The following AHCYL2 variants were observed in gnomAD, a reference collection of about 807,000 sequenced individuals.
AHCYL2 encodes the protein adenosylhomocysteinase like 2.
AHCYL2 carries 28 observed loss-of-function variants against 81.4 expected under a neutral mutation model. That is an observed-to-expected ratio of 0.34 (90% confidence interval 0.25 to 0.47). The LOEUF is 0.47. AHCYL2 is among the 20% of genes least tolerant of loss of function. The pLI is 1.00. For synonymous variants in AHCYL2, 272 were observed against 290.2 expected, an observed-to-expected ratio of 0.94 and a Z score of 0.64; for missense variants, 551 against 785.1, an observed-to-expected ratio of 0.70 and a Z score of 3.56.
chr7:129,317,404 A>G (rs1291261165), intron 1 of AHCYL2, among the ~76,000 whole-genome samples: 1 of 152,180 alleles, frequency 6.6e-6, no homozygotes, highest in Non-Finnish European at 1.5e-5. Flanking sequence ...CAAACAATCA[A>G]TTGGGAGGGA....
chr7:129,287,974 A>T (rs1468865562), intron 1 of AHCYL2, among the ~76,000 whole-genome samples: 1 of 152,238 alleles, frequency 6.6e-6, no homozygotes, highest in Non-Finnish European at 1.5e-5. Flanking sequence ...ACCTGTAAAC[A>T]TATCACTATA....
At chr7:129,231,262 C>T (rs1186614236) in intron 1 of AHCYL2, among the ~76,000 whole-genome samples, 1 of 151,974 alleles carries the variant, frequency 6.6e-6, no homozygotes, top group African/African-American at 2.4e-5. Flanking sequence ...AAAAAAGCTG[C>T]TTTAGGAGCT....
intron 1 of AHCYL2, among the ~76,000 whole-genome samples, chr7:129,365,006 C>T (rs11766298): frequency 0.034 from 5,174 of 152,212 alleles, 134 homozygotes; most frequent in Admixed American, 0.062. Context: ...ATTAAGAATA[C>T]GTACAGCATA....
intron 1 of AHCYL2, among the ~76,000 whole-genome samples, chr7:129,235,221 A>G (rs1035461591): frequency 6.0e-5 from 9 of 149,754 alleles, no homozygotes; most frequent in Admixed American, 3.3e-4. Flanking sequence ...ACTAGCTTCC[A>G]TCTTATTTCT....
chr7:129,270,660 C>CT (rs1312338443), intron 1 of AHCYL2, among the ~76,000 whole-genome samples: 2 of 152,176 alleles, frequency 1.3e-5, no homozygotes, highest in African/African-American at 4.8e-5. Context: ...CTCTGGATGA[C>CT]TAAGAGACTT....
intron 7 of AHCYL2, 73 bp downstream of exon 7, chr7:129,403,558 A>C: frequency 9.2e-7 from 1 of 1,088,740 alleles, no homozygotes; most frequent in Non-Finnish European, 1.3e-6. Flanking sequence ...TACCTATAAA[A>C]CACATGTTAA....
chr7:129,225,034 G>A lies in AHCYL2; in HGVS notation c.-43G>A. ...AGGTGGGAGGCGGGGCCGACCAAGA[G>A]CAGGAGCTGGAGTCTGAGCCGGTGG... On this transcript the variant is annotated 5_prime_UTR_variant, in exon 1 of 17. Coordinates refer to ENST00000325006, the MANE Select transcript of AHCYL2 (RefSeq NM_015328.4). 1 of 1,559,584 alleles carries A rather than the reference G, an allele frequency of 6.4e-7. No individual in the cohort carries two copies. The highest frequency in any genetic ancestry group is 1.9e-5 in the Admixed American group (1 of 52,214).
At chr7:129,318,826 G>A (rs1797915517) in intron 1 of AHCYL2, among the ~76,000 whole-genome samples, 2 of 151,930 alleles carry the variant, frequency 1.3e-5, no homozygotes, top group Non-Finnish European at 2.9e-5. Context: ...GGGGGAACAG[G>A]TGGTGGTTGG....
rs1244798033 is a variant in AHCYL2 at position 129,429,557 on chromosome 7, G to GT, written c.*2515dup. 1 of 152,172 alleles carries GT rather than the reference G, an allele frequency of 6.6e-6. No individual in the cohort carries two copies. Among genetic ancestry groups the GT allele is most frequent in the African/African-American group, 2.4e-5 (1 of 41,404 alleles). The allele number at this position is 152,172 out of a possible 1,614,324, so 9.4% of individuals were successfully genotyped here. ...TTTTCTTTTCACCCTTAGAGACAGGGTTTCACTATGTTGCCCAGGCTGGTC... is the reference window on the plus strand; with the variant it reads ...TTTTCTTTTCACCCTTAGAGACAGGGTTTTCACTATGTTGCCCAGGCTGGTC... On this transcript the variant is annotated 3_prime_UTR_variant, in exon 17 of 17. Transcript: ENST00000325006.
At chr7:129,313,985 A>C (rs1203895029) in intron 1 of AHCYL2, among the ~76,000 whole-genome samples, 1 of 152,244 alleles carries the variant, frequency 6.6e-6, no homozygotes, top group Non-Finnish European at 1.5e-5. Context: ...GGGCACAGCC[A>C]TTAGAGAATA....
At chr7:129,371,100 A>G (rs1278186783) in intron 1 of AHCYL2, among the ~76,000 whole-genome samples, 1 of 152,222 alleles carries the variant, frequency 6.6e-6, no homozygotes, top group Non-Finnish European at 1.5e-5. Flanking sequence ...TTAATCCCCA[A>G]GAAAAAAACC....
intron 5 of AHCYL2, among the ~76,000 whole-genome samples, chr7:129,399,688 A>T (rs1795930470): frequency 1.3e-5 from 2 of 151,376 alleles, no homozygotes; most frequent in Non-Finnish European, 2.9e-5. Flanking sequence ...TGGATCAAGA[A>T]GTACCTGTTT....
chr7:129,293,354 T>C (rs182337043), intron 1 of AHCYL2, among the ~76,000 whole-genome samples: 44 of 152,274 alleles, frequency 2.9e-4, no homozygotes, highest in Admixed American at 7.9e-4. Context: ...GTATACCCCT[T>C]CAACTAATAA....
At chr7:129,270,249 A>G (rs768222691) in intron 1 of AHCYL2, among the ~76,000 whole-genome samples, 17 of 152,312 alleles carry the variant, frequency 1.1e-4, no homozygotes, top group Non-Finnish European at 2.4e-4. Context: ...CTGCCTTGAC[A>G]TACGTACCTG....
chr7:129,349,651 C>CAAAAA (rs34969591), intron 1 of AHCYL2, among the ~76,000 whole-genome samples: 4 of 86,064 alleles, frequency 4.6e-5, no homozygotes, highest in Admixed American at 1.4e-4. Flanking sequence ...GACTCTGTTT[C>CAAAAA]AAAAAAAAAA....
chr7:129,397,131 GT>G, intron 4 of AHCYL2, 90 bp from the exon 5 acceptor site: 1 of 1,100,022 alleles, frequency 9.1e-7, no homozygotes, highest in South Asian at 1.5e-5. Flanking sequence ...CATTCCCGTT[GT>G]ATTTTCTGAT....
In AHCYL2 at chr7:129,426,486, C is replaced by T; in HGVS notation, c.1752C>T (p.His584=). Residue 584 remains histidine (H), a synonymous_variant, in exon 16 of 17, where the codon CAC becomes CAT. Coordinates refer to ENST00000325006, the MANE Select transcript of AHCYL2 (RefSeq NM_015328.4). The surrounding 1 kb of genome is among the most constrained non-coding windows in gnomAD (Gnocchi z 4.3). ...ASLHLPTFDA[H]LTELTDEQAK... The stretch of plus-strand genomic sequence containing the variant: ...TACACCTGCCTACCTTTGATGCCCA[C>T]TTGACAGAGCTGACAGATGAACAGG... 1 of 1,614,098 alleles carries T rather than the reference C, an allele frequency of 6.2e-7. No homozygotes were observed. Among genetic ancestry groups the T allele is most frequent in the South Asian group, 1.1e-5 (1 of 91,078 alleles).
rs75432821 is a variant in AHCYL2 at position 129,320,300 on chromosome 7, G to A, written c.364-59338G>A. ...TAAATATTTTCTACCAGTCTGTTTG[G>A]CACAGTGTCTTTTTATCACTGTTTG... On this transcript the variant is annotated intron_variant, in intron 1 of 16. Coordinates refer to ENST00000325006, the MANE Select transcript of AHCYL2 (RefSeq NM_015328.4). 1.4e-3 allele frequency among the ~76,000 whole-genome samples: 210 copies of A among 152,068 alleles called. 1 individual carries two copies. Among genetic ancestry groups the A allele is most frequent in the East Asian group, 0.013 (66 of 5,176 alleles).
intron 1 of AHCYL2, among the ~76,000 whole-genome samples, chr7:129,232,540 TG>T (rs910015603): frequency 9.9e-5 from 15 of 152,228 alleles, no homozygotes; most frequent in Non-Finnish European, 1.6e-4. Context: ...CATCCCTGTT[TG>T]TTTCAGTCAC....
Sources: allele counts gnomAD v4.1 joint callset (sites outside exome capture counted in the v4.1 genomes callset), GRCh38; gene constraint gnomAD v4.1.1; non-coding constraint Gnocchi (gnomAD v3.1); transcripts MANE v1.5; gene names NCBI Gene and HGNC (gene_info 2026-07-23, HGNC 2026-07-21).